Variants in DENND6A observed in about 807,000 individuals in gnomAD.
DENND6A encodes protein DENND6A.
In DENND6A, 43 loss-of-function variants were observed where a neutral mutation model predicts 95.5. That is an observed-to-expected ratio of 0.45 (90% confidence interval 0.35 to 0.58). DENND6A has a LOEUF of 0.58. Among genes scored for constraint, DENND6A ranks in the 20% least tolerant of loss-of-function variants. DENND6A has a pLI of 0.00. For synonymous variants in DENND6A, 257 were observed against 260.4 expected (o/e 0.99, Z 0.13); for missense variants, 574 against 736.0 (o/e 0.78, Z 2.55).
At chr3:57,676,064 C>A (rs1314769334) in intron 1 of DENND6A, among the ~76,000 whole-genome samples, 2 of 151,840 alleles carry the variant, frequency 1.3e-5, no homozygotes, top group African/African-American at 2.4e-5. Flanking sequence ...CAGGGTGAGA[C>A]CCTCTCTCTC....
At chr3:57,662,185 C>CTTTCTTT (rs2071434778) in intron 5 of DENND6A, among the ~76,000 whole-genome samples, 1 of 79,138 alleles carries the variant, frequency 1.3e-5, no homozygotes, top group Non-Finnish European at 2.3e-5. Context: ...TTTCTTTTTT[C>CTTTCTTT]TTTTTTTTTT....
intron 1 of DENND6A, among the ~76,000 whole-genome samples, chr3:57,688,197 T>C (rs1041841839): frequency 2.0e-5 from 3 of 152,040 alleles, no homozygotes; most frequent in African/African-American, 2.4e-5. Flanking sequence ...GGTTTTACCA[T>C]GTTGGCTACG....
intron 1 of DENND6A, 100 bp downstream of exon 1, chr3:57,692,682 C>T: frequency 2.7e-6 from 3 of 1,129,120 alleles, no homozygotes; most frequent in East Asian, 3.2e-5. Flanking sequence ...GGATGCGCCG[C>T]GGACAGGGTC....
chr3:57,636,936 C>CAAAA (rs60350642), intron 12 of DENND6A, among the ~76,000 whole-genome samples: 8 of 51,984 alleles, frequency 1.5e-4, no homozygotes, highest in Non-Finnish European at 2.8e-4. Flanking sequence ...GACTCTGTCT[C>CAAAA]AAAAAAAAAA....
rs572128083 is a variant in DENND6A, at chr3:57,657,759, AAAG to A, written c.763-27_763-25del. The A allele has an allele frequency of 7.1e-4, 1,084 of 1,523,364 alleles. 6 individuals are homozygous for A. The highest frequency in any genetic ancestry group is 3.0e-4 in the East Asian group (13 of 43,832). The allele number at this position is 1,523,364 out of a possible 1,614,324, so 94.4% of individuals were successfully genotyped here. A position where few individuals can be genotyped will look rare whatever the true frequency, so the allele number is the denominator to read the frequency against. On this transcript the variant is annotated intron_variant, in intron 8 of 19. Transcript: ENST00000311128. ...ACCTGAGAGATAGAAAAGAAAAATA[AAAG>A]AAGGTATCACCAAAATTTATGGAAA... is the stretch of plus-strand genomic sequence containing the variant.
At chr3:57,628,497 C>T in intron 19 of DENND6A, 152 bp from the exon 20 acceptor site, 1 of 1,130,892 alleles carries the variant, frequency 8.8e-7, no homozygotes, top group Non-Finnish European at 1.2e-6. Context: ...AAGGAGCATT[C>T]TATTTAAACA....
chr3:57,629,429 G>A (rs1024778606), intron 18 of DENND6A, among the ~76,000 whole-genome samples: 2 of 150,494 alleles, frequency 1.3e-5, no homozygotes, highest in African/African-American at 4.9e-5. Context: ...ATGAAAGTGA[G>A]ACTATTCCTT....
intron 12 of DENND6A, 118 bp downstream of exon 12, chr3:57,641,535 T>G (rs574273186): frequency 4.1e-6 from 3 of 736,178 alleles, no homozygotes; most frequent in Non-Finnish European, 6.1e-6. Flanking sequence ...AATTATACCC[T>G]TCTCCAAAGG....
chr3:57,635,638 C>A (rs1033860574), intron 12 of DENND6A, among the ~76,000 whole-genome samples: 1 of 152,110 alleles, frequency 6.6e-6, no homozygotes, highest in East Asian at 1.9e-4. Flanking sequence ...TTACATAGAT[C>A]AAACTGCTAA....
chr3:57,644,230 C>T (rs1039376544), intron 11 of DENND6A, among the ~76,000 whole-genome samples: 16 of 151,528 alleles, frequency 1.1e-4, no homozygotes, highest in African/African-American at 3.9e-4. Context: ...TTAAGGGATT[C>T]GTAGAGAAAA....
chr3:57,669,982 T>C (rs1312130497), intron 3 of DENND6A, among the ~76,000 whole-genome samples: 3 of 134,386 alleles, frequency 2.2e-5, no homozygotes, highest in African/African-American at 8.7e-5. Flanking sequence ...ATCGTGCCAC[T>C]GCACTCCAGC....
chr3:57,630,766 G>C lies in DENND6A; in HGVS notation c.1466C>G (p.Thr489Arg). The part of the protein sequence containing the change: ...PEEFMKTLEK[T>R]GPQLTSRIKG... ...TATTCTAGAGGTTAGCTGAGGTCCT[G>C]TTTTCTCAAGTGTTTTCATAAATTC... Residue 489 changes from threonine to arginine, a missense_variant, in exon 17 of 20, where the codon ACA becomes AGA. By Grantham distance (71) the Thr-to-Arg change is moderately conservative (BLOSUM62 -1). Coordinates refer to ENST00000311128, the MANE Select transcript of DENND6A (RefSeq NM_152678.3). 5 of 1,614,036 alleles carry C rather than the reference G, an allele frequency of 3.1e-6. No individual in the cohort carries two copies. Among genetic ancestry groups the C allele is most frequent in the Non-Finnish European group, 4.2e-6 (5 of 1,179,982 alleles).
chr3:57,681,476 T>C (rs1416287973), intron 1 of DENND6A, among the ~76,000 whole-genome samples: 1 of 150,598 alleles, frequency 6.6e-6, no homozygotes, highest in Admixed American at 6.6e-5. Context: ...AAAAAAAAAT[T>C]AGGCAGGCAT....
In DENND6A at chr3:57,627,063, A is replaced by G. The variant is rs1321097980; in HGVS notation, c.*1151T>C. The G allele has an allele frequency of 6.6e-6, 1 of 152,222 alleles. No homozygotes were observed. Among genetic ancestry groups the G allele is most frequent in the African/African-American group, 2.4e-5 (1 of 41,456 alleles). The allele number at this position is 152,222 out of a possible 1,614,324, so 9.4% of individuals were successfully genotyped here. On this transcript the variant is annotated 3_prime_UTR_variant, in exon 20 of 20. Coordinates refer to ENST00000311128, the MANE Select transcript of DENND6A (RefSeq NM_152678.3). ...CAGTTTAAAAAAATAGCTGATTATG[A>G]GATTTATAATTAAAATGTCTTTGAA...
intron 3 of DENND6A, among the ~76,000 whole-genome samples, chr3:57,667,702 C>T (rs1483726910): frequency 6.6e-6 from 1 of 152,084 alleles, no homozygotes; most frequent in Non-Finnish European, 1.5e-5. Context: ...TGTTCCATAA[C>T]CAAATAAATA....
chr3:57,645,865 T>G (rs970406312), intron 10 of DENND6A, 109 bp from the exon 11 acceptor site: 6 of 699,952 alleles, frequency 8.6e-6, no homozygotes, highest in African/African-American at 1.8e-5. Flanking sequence ...GATACTTTGT[T>G]TATTTTAATA....
At chr3:57,631,109 C>T in intron 15 of DENND6A, 131 bp from the exon 16 acceptor site, 1 of 702,518 alleles carries the variant, frequency 1.4e-6, no homozygotes, top group East Asian at 2.7e-5. Flanking sequence ...TCCATCACTC[C>T]CCACAAGAGA....
intron 1 of DENND6A, among the ~76,000 whole-genome samples, chr3:57,681,484 C>T (rs1305976652): frequency 6.6e-6 from 1 of 151,562 alleles, no homozygotes; most frequent in Non-Finnish European, 1.5e-5. Flanking sequence ...ATTAGGCAGG[C>T]ATAGTGGCAG....
At position 57,630,732 on chromosome 3, in the gene DENND6A, A is replaced by G. The variant is rs373692378; in HGVS notation, c.1500T>C (p.Asp500=). 4 of 1,613,710 alleles carry G rather than the reference A, an allele frequency of 2.5e-6. No homozygotes were observed. The highest frequency in any genetic ancestry group is 3.4e-6 in the Non-Finnish European group (4 of 1,179,894). Residue 500 remains aspartate, a synonymous_variant, in exon 17 of 20, where the codon GAT becomes GAC. Transcript: ENST00000311128. ...AGACTAACCGGTAAAGTCCAATCCA[A>G]TCGCCTTTTATTCTAGAGGTTAGCT... is the stretch of plus-strand genomic sequence containing the variant. ...GPQLTSRIKG[D]WIGLYRHFLK...
Sources: allele counts gnomAD v4.1 joint callset (sites outside exome capture counted in the v4.1 genomes callset), GRCh38; gene constraint gnomAD v4.1.1; transcripts MANE v1.5; gene names NCBI Gene and HGNC (gene_info 2026-07-23, HGNC 2026-07-21).